RAD51B: variants seen among roughly 807,000 people sequenced by gnomAD.
RAD51B encodes DNA repair protein RAD51 homolog 2.
RAD51B carries 38 observed loss-of-function variants against 42.2 expected under a neutral mutation model. The ratio of observed to expected loss-of-function variants is 0.90; its 90% CI spans 0.70 to 1.18. The LOEUF is 1.18. Ranked by LOEUF, RAD51B falls within the 50% of genes most tolerant of loss-of-function variation. The pLI, the probability that RAD51B is intolerant of heterozygous loss-of-function variation, is 0.00. For synonymous variants in RAD51B, 154 were observed against 145.2 expected, an observed-to-expected ratio of 1.06 and a Z score of -0.43; for missense variants, 373 against 400.7, an observed-to-expected ratio of 0.93 and a Z score of 0.59.
intron 7 of RAD51B, among the ~76,000 whole-genome samples, chr14:68,229,615 T>C (rs2080108183): frequency 6.6e-6 from 1 of 152,120 alleles, no homozygotes; most frequent in African/African-American, 2.4e-5. Flanking sequence ...AGTTTCAGAG[T>C]AGGCAGTCTC....
At chr14:68,418,313 T>C (rs1450582909) in intron 9 of RAD51B, among the ~76,000 whole-genome samples, 2 of 152,188 alleles carry the variant, frequency 1.3e-5, no homozygotes, top group African/African-American at 4.8e-5. Flanking sequence ...TCCTTACTTC[T>C]CTCTTTGAGG....
At chr14:68,483,078 A>G (rs1195066721), downstream of RAD51B, among the ~76,000 whole-genome samples, 2 of 152,078 alleles carry the variant, frequency 1.3e-5, no homozygotes, top group East Asian at 1.9e-4. Context: ...GAGATTGAGC[A>G]CTGATAATTA....
intron 7 of RAD51B, among the ~76,000 whole-genome samples, chr14:67,957,128 GA>G (rs1161822598): frequency 4.6e-5 from 7 of 152,338 alleles, no homozygotes; most frequent in Admixed American, 3.9e-4. Flanking sequence ...ATCACTATAA[GA>G]GGAGAGATAC....
intron 10 of RAD51B, among the ~76,000 whole-genome samples, chr14:68,470,089 T>C (rs1020968664): frequency 2.6e-5 from 4 of 152,102 alleles, no homozygotes; most frequent in African/African-American, 9.7e-5. Flanking sequence ...TTCGAAAAAG[T>C]TGGAAAACAG....
chr14:67,869,517 A>G (rs1401282087), intron 5 of RAD51B, among the ~76,000 whole-genome samples: 2 of 152,226 alleles, frequency 1.3e-5, no homozygotes, highest in African/African-American at 2.4e-5. Context: ...ACTCTGCAGG[A>G]TATTATCCAG....
At chr14:68,553,145 A>G (rs899613756) in intron 10 of RAD51B, among the ~76,000 whole-genome samples, 1 of 152,304 alleles carries the variant, frequency 6.6e-6, no homozygotes, top group Admixed American at 6.5e-5. Context: ...TGTACTATTG[A>G]TAAAGCCCTC....
At position 67,955,915 on chromosome 14, in the gene RAD51B, G is replaced by A. The variant is rs143309219; in HGVS notation, c.756+68711G>A. ...AGTTTGGCTTTTAGCAATGAAAATAGTGTGGGCAAAGATGGAACAGAGGTG... is the reference window on the plus strand; with the variant it reads ...AGTTTGGCTTTTAGCAATGAAAATAATGTGGGCAAAGATGGAACAGAGGTG... On this transcript the variant is annotated intron_variant, in intron 7 of 10. Transcript: ENST00000471583. 3.3e-3 allele frequency among the ~76,000 whole-genome samples: 505 copies of A among 152,308 alleles called. 3 individuals carry two copies. The highest frequency in any genetic ancestry group is 0.012 in the African/African-American group (482 of 41,568).
chr14:68,219,157 T>C (rs939274120), intron 7 of RAD51B, among the ~76,000 whole-genome samples: 8 of 152,246 alleles, frequency 5.3e-5, no homozygotes, highest in Non-Finnish European at 1.0e-4. Flanking sequence ...TCAGAGCTTC[T>C]CAATTCCTTT....
rs77268886 is a variant in RAD51B at position 67,915,118 on chromosome 14, A to G, written c.756+27914A>G. On this transcript the variant is annotated intron_variant, in intron 7 of 10. Transcript: ENST00000471583. ...GTGGGCAAGGGTTGAAAAACTAACT[A>G]CTGGGTGCCATGCTCACTATCTGCA... Among the ~76,000 whole-genome samples the G allele has an allele frequency of 5.2e-3, 784 of 152,228 alleles. 7 individuals carry two copies. Among genetic ancestry groups the G allele is most frequent in the African/African-American group, 0.018 (730 of 41,516 alleles).
intron 8 of RAD51B, among the ~76,000 whole-genome samples, chr14:68,384,349 T>G (rs2083544807): frequency 6.6e-6 from 1 of 152,142 alleles, no homozygotes; most frequent in Non-Finnish European, 1.5e-5. Context: ...CACTCAAAAG[T>G]ACAAGGCAGG....
At chr14:68,315,020 C>G (rs1338559293) in intron 8 of RAD51B, among the ~76,000 whole-genome samples, 4 of 152,200 alleles carry the variant, frequency 2.6e-5, no homozygotes, top group Non-Finnish European at 5.9e-5. Flanking sequence ...CTTTAGTTTT[C>G]AAAGTTTCTT....
chr14:68,070,349 T>C (rs1372469858), intron 7 of RAD51B, among the ~76,000 whole-genome samples: 2 of 152,200 alleles, frequency 1.3e-5, no homozygotes, highest in East Asian at 1.9e-4. Context: ...TTGAAGTCTT[T>C]GCATGGGCTG....
chr14:68,407,272 T>C (rs569708307), intron 8 of RAD51B, among the ~76,000 whole-genome samples: 1 of 152,296 alleles, frequency 6.6e-6, no homozygotes, highest in African/African-American at 2.4e-5. Flanking sequence ...CATAACTGGT[T>C]TTTGTATTTA....
At chr14:68,633,671 C>A (rs187015797) in intron 10 of RAD51B, among the ~76,000 whole-genome samples, 5 of 152,214 alleles carry the variant, frequency 3.3e-5, no homozygotes, top group Non-Finnish European at 5.9e-5. Context: ...CAGAAAAGCC[C>A]GAAACCCAGG....
At chr14:68,132,829 A>G (rs947143405) in intron 7 of RAD51B, among the ~76,000 whole-genome samples, 4 of 152,234 alleles carry the variant, frequency 2.6e-5, no homozygotes, top group Non-Finnish European at 2.9e-5. Flanking sequence ...ACATCTCCCA[A>G]CAATCAAGAG....
chr14:67,873,138 C>G (rs2042600555), intron 5 of RAD51B, among the ~76,000 whole-genome samples: 1 of 152,126 alleles, frequency 6.6e-6, no homozygotes, highest in Non-Finnish European at 1.5e-5. Flanking sequence ...AAACTACCAT[C>G]AGAGTGAACA....
At chr14:68,143,534 T>G (rs925214538) in intron 7 of RAD51B, among the ~76,000 whole-genome samples, 1 of 152,250 alleles carries the variant, frequency 6.6e-6, no homozygotes, top group Non-Finnish European at 1.5e-5. Flanking sequence ...ATGCTGTGCT[T>G]GCCAAACCCT....
intron 9 of RAD51B, among the ~76,000 whole-genome samples, chr14:68,459,719 A>G (rs1037233973): frequency 6.6e-6 from 1 of 152,210 alleles, no homozygotes; most frequent in African/African-American, 2.4e-5. Flanking sequence ...ATCTACTTCA[A>G]TTGCTTCTTG....
Position 68,601,726 on chromosome 14 carries a change from C to T in RAD51B, c.1037-9280C>T, listed in dbSNP as rs114072945. ...TAGTAGGGGGCCCACAAATGCTGCC[C>T]TCCACATGCAGGCCCACTACCTCCC... On this transcript the variant is annotated intron_variant, in intron 10 of 10. Transcript: ENST00000487861. Among the ~76,000 whole-genome samples, 647 of 152,242 alleles carry T rather than the reference C, an allele frequency of 4.2e-3. 5 individuals carry two copies. Among genetic ancestry groups the T allele is most frequent in the African/African-American group, 0.015 (606 of 41,520 alleles).
Sources: gnomAD v4.1 joint callset for allele counts (sites outside exome capture counted in the v4.1 genomes callset) on GRCh38, gnomAD v4.1.1 for gene constraint, MANE v1.5 for transcripts, NCBI Gene and HGNC (gene_info 2026-07-23, HGNC 2026-07-21) for gene names.